Variants in ROBO1 observed in about 807,000 individuals in gnomAD.
ROBO1 encodes the protein roundabout guidance receptor 1.
Under a neutral mutation model 195.9 loss-of-function variants are expected in ROBO1, and 149 were observed. The ratio of observed to expected loss-of-function variants is 0.76; its 90% CI spans 0.67 to 0.87. The LOEUF is 0.87. Ranked by LOEUF, ROBO1 falls within the 40% of genes least tolerant of loss-of-function variation. The probability of loss-of-function intolerance (pLI) is 0.00; values close to 1 mark genes in which losing one functional copy is unlikely to be tolerated. For synonymous variants in ROBO1, 816 were observed against 733.2 expected (o/e 1.11, Z -1.82); for missense variants, 1,933 against 2,068.3 (o/e 0.93, Z 1.27).
At chr3:79,138,122 A>T (rs1331246412) in intron 2 of ROBO1, among the ~76,000 whole-genome samples, 5 of 152,068 alleles carry the variant, frequency 3.3e-5, no homozygotes, top group Non-Finnish European at 1.5e-5. Flanking sequence ...TACTGACTGA[A>T]ATCAAGATAC....
intron 2 of ROBO1, among the ~76,000 whole-genome samples, chr3:79,136,979 C>T (rs1563383): frequency 6.6e-6 from 1 of 151,810 alleles, no homozygotes; most frequent in South Asian, 2.1e-4. Context: ...TAAAAAATTG[C>T]CACTAAATAT....
intron 5 of ROBO1, among the ~76,000 whole-genome samples, chr3:78,732,939 C>T (rs2082315965): frequency 6.6e-6 from 1 of 152,140 alleles, no homozygotes; most frequent in African/African-American, 2.4e-5. Flanking sequence ...CCTGTACCAT[C>T]TGGTAGTAAT....
intron 2 of ROBO1, among the ~76,000 whole-genome samples, chr3:79,141,259 G>T (rs560806163): frequency 6.6e-6 from 1 of 152,126 alleles, no homozygotes; most frequent in African/African-American, 2.4e-5. Context: ...GTATTTTGTG[G>T]CTGCCATCCA....
chr3:79,030,047 A>G (rs1481182459), intron 3 of ROBO1, among the ~76,000 whole-genome samples: 1 of 152,228 alleles, frequency 6.6e-6, no homozygotes, highest in Non-Finnish European at 1.5e-5. Flanking sequence ...CTAGACAAAA[A>G]GTATGATCAA....
intron 1 of ROBO1, among the ~76,000 whole-genome samples, chr3:79,751,629 C>G (rs1289253143): frequency 6.6e-6 from 1 of 152,062 alleles, no homozygotes; most frequent in East Asian, 1.9e-4. Context: ...AAGATCATTT[C>G]TTTTTCACTA....
At chr3:79,654,678 C>T (rs188859033) in intron 1 of ROBO1, among the ~76,000 whole-genome samples, 4 of 152,012 alleles carry the variant, frequency 2.6e-5, no homozygotes, top group East Asian at 1.9e-4. Context: ...TCTAATTTCA[C>T]GAAATCAGTT....
chr3:78,947,531 G>C (rs2040514435), intron 3 of ROBO1, among the ~76,000 whole-genome samples: 2 of 152,166 alleles, frequency 1.3e-5, no homozygotes, highest in Non-Finnish European at 1.5e-5. Context: ...GCAGTGTGTA[G>C]AGGGAAATTT....
rs1419547647 is a variant in ROBO1 at position 78,598,506 on chromosome 3, G to A, written c.*407C>T. 6.8e-6 allele frequency: 1 copy of A among 146,214 alleles called. No individual in the cohort carries two copies. The highest frequency in any genetic ancestry group is 1.5e-5 in the Non-Finnish European group (1 of 67,024). 9.1% of individuals were successfully genotyped at this position (146,214 alleles called of 1,614,324 possible). ...ATACTTTGAGAGCCCTTGTGAGGTT[G>A]AATATCAACTTTCTATATTTGATCA... On this transcript the variant is annotated 3_prime_UTR_variant, in exon 31 of 31. Coordinates refer to ENST00000464233, the MANE Select transcript of ROBO1 (RefSeq NM_002941.4).
At chr3:79,204,155 G>C (rs140545174) in intron 2 of ROBO1, among the ~76,000 whole-genome samples, 393 of 152,246 alleles carry the variant, frequency 2.6e-3, no homozygotes, top group Non-Finnish European at 3.3e-3. Context: ...ACAATGTGTA[G>C]TGATCAAATC....
At chr3:78,647,532 C>T in intron 20 of ROBO1, 97 bp downstream of exon 20, 1 of 1,182,232 alleles carries the variant, frequency 8.5e-7, no homozygotes, top group Non-Finnish European at 1.3e-6. Flanking sequence ...TTCTTTCCCC[C>T]AACTTACTGC....
At chr3:79,176,751 C>T (rs2124388) in intron 2 of ROBO1, among the ~76,000 whole-genome samples, 3,305 of 152,210 alleles carry the variant, frequency 0.022, 111 homozygotes, top group African/African-American at 0.074. Flanking sequence ...TGAGCTGCCG[C>T]GCCTAGCCTG....
intron 20 of ROBO1, among the ~76,000 whole-genome samples, 192 bp downstream of exon 20, chr3:78,647,437 C>T (rs1470691212): frequency 1.3e-5 from 2 of 151,962 alleles, no homozygotes; most frequent in African/African-American, 2.4e-5. Context: ...ATAATTGCAT[C>T]GAATGGATGA....
At chr3:79,229,304 G>A (rs1365519873) in intron 2 of ROBO1, among the ~76,000 whole-genome samples, 2 of 152,040 alleles carry the variant, frequency 1.3e-5, no homozygotes, top group Admixed American at 1.3e-4. Flanking sequence ...TGAACTAACT[G>A]ACTACTGTGT....
intron 8 of ROBO1, among the ~76,000 whole-genome samples, chr3:78,692,160 T>C (rs955409567): frequency 6.6e-6 from 1 of 152,134 alleles, no homozygotes; most frequent in South Asian, 2.1e-4. Context: ...AGGTATCATA[T>C]AGGAACCTAT....
intron 2 of ROBO1, among the ~76,000 whole-genome samples, chr3:79,364,499 C>G (rs2035893751): frequency 6.6e-6 from 1 of 151,814 alleles, no homozygotes; most frequent in African/African-American, 2.4e-5. Context: ...TTTCCATATT[C>G]TAGGTTTTTT....
At chr3:79,355,088 G>A (rs1408609780) in intron 2 of ROBO1, among the ~76,000 whole-genome samples, 3 of 151,918 alleles carry the variant, frequency 2.0e-5, no homozygotes, top group Non-Finnish European at 4.4e-5. Flanking sequence ...ATTGCTTGAA[G>A]CCAGGAGGTG....
intron 3 of ROBO1, among the ~76,000 whole-genome samples, chr3:79,047,655 T>C (rs1358433501): frequency 2.0e-5 from 3 of 152,150 alleles, no homozygotes; most frequent in Admixed American, 2.0e-4. Flanking sequence ...CATACACATT[T>C]AGTATAGAAT....
At chr3:79,452,631 T>C (rs2039481626) in intron 2 of ROBO1, among the ~76,000 whole-genome samples, 1 of 152,136 alleles carries the variant, frequency 6.6e-6, no homozygotes. Context: ...ATTACCTAAA[T>C]TAAAAACAAA....
At chr3:79,420,619 C>T (rs565174042) in intron 2 of ROBO1, among the ~76,000 whole-genome samples, 4 of 152,226 alleles carry the variant, frequency 2.6e-5, no homozygotes, top group African/African-American at 9.6e-5. Context: ...TCTTTCAGCA[C>T]TACTTGAATC....
Sources: gnomAD v4.1 joint callset for allele counts (sites outside exome capture counted in the v4.1 genomes callset) on GRCh38, gnomAD v4.1.1 for gene constraint, MANE v1.5 for transcripts, NCBI Gene and HGNC (gene_info 2026-07-23, HGNC 2026-07-21) for gene names.